The following MLLT3 variants were observed in gnomAD, a reference collection of about 807,000 sequenced individuals.
The protein encoded by MLLT3 is protein AF-9.
MLLT3 carries 4 observed loss-of-function variants against 53.2 expected under a neutral mutation model. The observed-to-expected ratio is 0.08, with a 90% CI of 0.04 to 0.17. MLLT3 has a LOEUF of 0.17. Among genes scored for constraint, MLLT3 ranks in the 10% least tolerant of loss-of-function variants. The pLI is 1.00. For synonymous variants in MLLT3, 283 were observed against 230.6 expected (o/e 1.23, Z -2.06); for missense variants, 569 against 684.0 (o/e 0.83, Z 1.87).
chr9:20,499,207 A>T (rs962157431), intron 2 of MLLT3, among the ~76,000 whole-genome samples: 2 of 152,212 alleles, frequency 1.3e-5, no homozygotes, highest in African/African-American at 4.8e-5. Flanking sequence ...ACTTGGGCCA[A>T]CAGTAATCCA....
At position 20,414,431 on chromosome 9, in the gene MLLT3, A is replaced by G. The variant is rs200263602; in HGVS notation, c.421-6T>C. The G allele has an allele frequency of 6.2e-7, 1 of 1,604,220 alleles. No individual in the cohort carries two copies. Among genetic ancestry groups the G allele is most frequent in the Non-Finnish European group, 8.5e-7 (1 of 1,179,326 alleles). ...TGAATACTCCTATTAGGGTCCTGCA[A>G]AAAGGGGAGAAGAAAATGAAACTCC... On this transcript the variant is annotated splice_region_variant and splice_polypyrimidine_tract_variant and intron_variant, in intron 4 of 10. Coordinates refer to ENST00000380338, the MANE Select transcript of MLLT3 (RefSeq NM_004529.4).
chr9:20,615,360 GAAAAAAAAA>G (rs10601830), intron 2 of MLLT3, among the ~76,000 whole-genome samples: 39 of 48,758 alleles, frequency 8.0e-4, no homozygotes, highest in African/African-American at 2.2e-3. Flanking sequence ...CAGACCATGT[GAAAAAAAAA>G]AAAAAAAAAA....
intron 2 of MLLT3, among the ~76,000 whole-genome samples, chr9:20,553,273 C>G (rs554406567): frequency 1.3e-4 from 20 of 152,316 alleles, no homozygotes; most frequent in African/African-American, 4.8e-4. Context: ...GAAGAGAGGG[C>G]AGACATTCTG....
intron 4 of MLLT3, among the ~76,000 whole-genome samples, chr9:20,430,730 C>G (rs574765549): frequency 6.6e-6 from 1 of 151,938 alleles, no homozygotes; most frequent in Non-Finnish European, 1.5e-5. Flanking sequence ...TTAAAAAGAA[C>G]TAACTATTTT....
intron 4 of MLLT3, among the ~76,000 whole-genome samples, chr9:20,421,204 C>T (rs1258892028): frequency 6.6e-6 from 1 of 152,022 alleles, no homozygotes; most frequent in Admixed American, 6.6e-5. Flanking sequence ...GTGGAGGTTT[C>T]AGTGAGCCAA....
rs1563849230 is a variant in MLLT3, at chr9:20,622,429, CGCTT to C, written c.-177_-174del. On this transcript the variant is annotated 5_prime_UTR_variant, in exon 1 of 11. The change creates a new upstream start codon in the 5' untranslated region. Coordinates refer to ENST00000380338, the MANE Select transcript of MLLT3 (RefSeq NM_004529.4). ...CCCCGCGCTCGCTTGCTCGCTCGCT[CGCTT>C]ATTAAACTCAGCCCCAAAAGCAAAA... The C allele has an allele frequency of 1.7e-6, 1 of 600,894 alleles. No homozygotes were observed. Among genetic ancestry groups the C allele is most frequent in the Admixed American group, 3.4e-5 (1 of 29,636 alleles). The allele number at this position is 600,894 out of a possible 1,614,324, so 37.2% of individuals were successfully genotyped here.
At chr9:20,541,652 T>G (rs1818633688) in intron 2 of MLLT3, among the ~76,000 whole-genome samples, 1 of 152,148 alleles carries the variant, frequency 6.6e-6, no homozygotes, top group Non-Finnish European at 1.5e-5. Flanking sequence ...GTCCCTCCCC[T>G]GACATGTGGG....
chr9:20,344,086 A>T lies in MLLT3; in HGVS notation c.*2357T>A. On this transcript the variant is annotated 3_prime_UTR_variant, in exon 11 of 11. Transcript: ENST00000380338. ...TCAATTTACAAACTTACATTTTAGG[A>T]TATTCTGAAGAAATTAACTTTATTA... 5.0e-6 allele frequency: 1 copy of T among 198,294 alleles called. No individual in the cohort carries two copies. Among genetic ancestry groups the T allele is most frequent in the Non-Finnish European group, 1.0e-5 (1 of 95,972 alleles). The allele number at this position is 198,294 out of a possible 1,614,324, so 12.3% of individuals were successfully genotyped here. A position where few individuals can be genotyped will look rare whatever the true frequency, so the allele number is the denominator to read the frequency against.
chr9:20,581,168 T>C (rs1410865353), intron 2 of MLLT3, among the ~76,000 whole-genome samples: 1 of 152,130 alleles, frequency 6.6e-6, no homozygotes, highest in East Asian at 1.9e-4. Context: ...CTGTCTTAAA[T>C]ATAGCAAAGT....
At chr9:20,510,597 T>C (rs1179248468) in intron 2 of MLLT3, among the ~76,000 whole-genome samples, 1 of 115,878 alleles carries the variant, frequency 8.6e-6, no homozygotes, top group Non-Finnish European at 1.6e-5. Flanking sequence ...GGGCGACAGA[T>C]CAAGACTCCA....
At chr9:20,479,423 G>A (rs941066719) in intron 2 of MLLT3, among the ~76,000 whole-genome samples, 1 of 152,078 alleles carries the variant, frequency 6.6e-6, no homozygotes, top group Non-Finnish European at 1.5e-5. Flanking sequence ...TAGCAAGAGG[G>A]AAAATGGGTG....
chr9:20,564,604 C>T (rs1203222405), intron 2 of MLLT3, among the ~76,000 whole-genome samples: 1 of 152,154 alleles, frequency 6.6e-6, no homozygotes, highest in African/African-American at 2.4e-5. Flanking sequence ...TCAGAAACAA[C>T]TCATGCATTT....
In MLLT3 at chr9:20,448,804, T is replaced by G. The variant is rs1220056708; in HGVS notation, c.277-538A>C. On this transcript the variant is annotated intron_variant, in intron 3 of 10. Coordinates refer to ENST00000380338, the MANE Select transcript of MLLT3 (RefSeq NM_004529.4). This position sits in a 1 kb window ranked among gnomAD's most constrained non-coding sequence, Gnocchi z 4.0. ...ACTTCCTAGTTAAAATTTCAACAGC[T>G]TCCAATAGCCATTGGGCTAAAAATC... is the stretch of plus-strand genomic sequence containing the variant. 6.6e-6 allele frequency among the ~76,000 whole-genome samples: 1 copy of G among 152,176 alleles called. No homozygotes were observed. The highest frequency in any genetic ancestry group is 2.4e-5 in the African/African-American group (1 of 41,450).
intron 2 of MLLT3, among the ~76,000 whole-genome samples, chr9:20,602,759 G>A (rs1369773876): frequency 6.5e-5 from 5 of 76,910 alleles, no homozygotes; most frequent in Non-Finnish European, 1.4e-4. Context: ...TATTAAGTTT[G>A]ATACACACAC....
intron 2 of MLLT3, among the ~76,000 whole-genome samples, chr9:20,564,574 C>T (rs533910094): frequency 3.8e-4 from 58 of 152,176 alleles, no homozygotes; most frequent in Non-Finnish European, 7.2e-4. Context: ...AGCTGCAAAG[C>T]TAGCTATAGT....
At chr9:20,491,894 G>C (rs890480133) in intron 2 of MLLT3, among the ~76,000 whole-genome samples, 2 of 152,098 alleles carry the variant, frequency 1.3e-5, no homozygotes, top group Non-Finnish European at 2.9e-5. Context: ...CTGAGGAATA[G>C]CATGATATGG....
At chr9:20,469,308 T>C (rs1417757491) in intron 2 of MLLT3, among the ~76,000 whole-genome samples, 2 of 152,150 alleles carry the variant, frequency 1.3e-5, no homozygotes, top group African/African-American at 4.8e-5. Context: ...TTTAAAATGG[T>C]AAAATAGAAA....
intron 2 of MLLT3, among the ~76,000 whole-genome samples, chr9:20,558,104 A>G (rs992081245): frequency 1.9e-4 from 29 of 152,166 alleles, no homozygotes; most frequent in African/African-American, 6.8e-4. Context: ...GAAGGAAGCC[A>G]AGGACAGTAC....
intron 8 of MLLT3, among the ~76,000 whole-genome samples, chr9:20,355,187 AC>A (rs1821141897): frequency 6.6e-6 from 1 of 151,548 alleles, no homozygotes; most frequent in Admixed American, 6.6e-5. Flanking sequence ...CAACACTCTC[AC>A]CATATGTATA....
Sources: allele counts gnomAD v4.1 joint callset (sites outside exome capture counted in the v4.1 genomes callset), GRCh38; gene constraint gnomAD v4.1.1; non-coding constraint Gnocchi (gnomAD v3.1); transcripts MANE v1.5; gene names NCBI Gene and HGNC (gene_info 2026-07-23, HGNC 2026-07-21).